The following CHEK2 variants were observed in gnomAD, a reference collection of about 807,000 sequenced individuals.
CHEK2 encodes serine/threonine-protein kinase Chk2.
CHEK2 carries 71 observed loss-of-function variants against 69.1 expected under a neutral mutation model. The ratio of observed to expected loss-of-function variants is 1.03; its 90% CI spans 0.85 to 1.25. The LOEUF (loss-of-function observed/expected upper bound fraction) is 1.25, where lower values mean the gene tolerates loss of function less well. Ranked by LOEUF, CHEK2 falls within the 50% of genes most tolerant of loss-of-function variation. The pLI is 0.00. For missense variants in CHEK2, 664 were observed against 649.6 expected, an observed-to-expected ratio of 1.02 and a Z score of -0.24; for synonymous variants, 189 against 226.9, an observed-to-expected ratio of 0.83 and a Z score of 1.50.
chr22:28,711,274 C>T (rs971548129), intron 6 of CHEK2, among the ~76,000 whole-genome samples: 3 of 152,186 alleles, frequency 2.0e-5, no homozygotes, highest in Non-Finnish European at 2.9e-5. Context: ...TTTTAAAAAT[C>T]TATGGCTAAT....
rs188521523 is a variant in CHEK2 at position 28,739,411 on chromosome 22, C to T, written c.-7+2358G>A. On this transcript the variant is annotated intron_variant, in intron 1 of 14. Coordinates refer to ENST00000404276, the MANE Select transcript of CHEK2 (RefSeq NM_007194.4). ...TATAAATCAAAACTACAGTGAGGCC[C>T]GGGTGCAGTGGCTCATGCCTGTAAT... 4.6e-3 allele frequency among the ~76,000 whole-genome samples: 699 copies of T among 152,144 alleles called. 4 individuals carry two copies. Among genetic ancestry groups the T allele is most frequent in the Non-Finnish European group, 6.3e-3 (425 of 67,984 alleles).
rs565523013 is a variant in CHEK2 at position 28,702,812 on chromosome 22, G to A, written c.908+693C>T. Among the ~76,000 whole-genome samples the A allele has an allele frequency of 2.6e-5, 4 of 152,250 alleles. No individual in the cohort carries two copies. The East Asian group carries it at 7.7e-4, about 29-fold the overall frequency. ...TCCACCCACCTCGGCCTCCCAAAGT[G>A]CTGGGATTACAGGCGTAAGCCACTG... On this transcript the variant is annotated intron_variant, in intron 8 of 14. Transcript: ENST00000404276.
intron 2 of CHEK2, chr22:28,727,958 T>C (rs2054068581): frequency 6.6e-6 from 1 of 152,186 alleles, no homozygotes; most frequent in African/African-American, 2.4e-5. Flanking sequence ...GAGGACAATT[T>C]AGCAAGATCT....
chr22:28,736,581 T>C (rs2054413255), intron 1 of CHEK2, among the ~76,000 whole-genome samples: 1 of 152,350 alleles, frequency 6.6e-6, no homozygotes. Context: ...ACCATTCTTT[T>C]ATAAACTGGA....
intron 2 of CHEK2, 135 bp downstream of exon 2, chr22:28,734,268 A>T: frequency 1.3e-6 from 1 of 775,838 alleles, no homozygotes; most frequent in Non-Finnish European, 2.2e-6. Context: ...TTGCTTGTTC[A>T]TGCATGATGT....
intron 7 of CHEK2, among the ~76,000 whole-genome samples, chr22:28,704,977 T>G (rs1347977298): frequency 6.6e-6 from 1 of 151,862 alleles, no homozygotes; most frequent in Non-Finnish European, 1.5e-5. Context: ...AGCATAATGC[T>G]GAATGAAAAA....
At chr22:28,688,449 G>A (rs1015503399) in intron 14 of CHEK2, among the ~76,000 whole-genome samples, 3 of 152,206 alleles carry the variant, frequency 2.0e-5, no homozygotes, top group Non-Finnish European at 2.9e-5. Flanking sequence ...TGGGCAGGTC[G>A]CTTCAGGTCA....
At chr22:28,741,148 CAAAA>C (rs71194792) in intron 1 of CHEK2, among the ~76,000 whole-genome samples, 5 of 51,174 alleles carry the variant, frequency 9.8e-5, no homozygotes, top group East Asian at 1.5e-3. Context: ...GACTCCGTCT[CAAAA>C]AAAAAAAAAA....
At chr22:28,715,688 C>G (rs11913195) in intron 5 of CHEK2, among the ~76,000 whole-genome samples, 11 of 152,024 alleles carry the variant, frequency 7.2e-5, no homozygotes, top group African/African-American at 2.4e-4. Flanking sequence ...CCAAAGTACC[C>G]GGATTACAGG....
At chr22:28,709,323 A>T (rs2053299577) in intron 7 of CHEK2, among the ~76,000 whole-genome samples, 1 of 152,216 alleles carries the variant, frequency 6.6e-6, no homozygotes, top group African/African-American at 2.4e-5. Context: ...AAAGGTATTC[A>T]AAAGTGGTAA....
At chr22:28,730,513 C>G in intron 2 of CHEK2, 1 of 696,480 alleles carries the variant, frequency 1.4e-6, no homozygotes, top group Non-Finnish European at 2.6e-6. Flanking sequence ...AGCAGGAGTT[C>G]AAGATCAGAT....
At chr22:28,699,652 G>T (rs868130199) in intron 9 of CHEK2, 186 bp downstream of exon 9, 2 of 610,164 alleles carry the variant, frequency 3.3e-6, no homozygotes, top group Non-Finnish European at 5.9e-6. Context: ...ATGAACCACC[G>T]CGCCTCGCCA....
intron 4 of CHEK2, among the ~76,000 whole-genome samples, chr22:28,721,957 C>T (rs2053801897): frequency 6.6e-6 from 1 of 152,054 alleles, no homozygotes; most frequent in Non-Finnish European, 1.5e-5. Flanking sequence ...TCTCGAATTC[C>T]TGGACTCAAG....
chr22:28,724,841 C>T (rs764219424), intron 4 of CHEK2, 136 bp downstream of exon 4: 4 of 910,860 alleles, frequency 4.4e-6, no homozygotes, highest in Admixed American at 1.9e-5. Flanking sequence ...GCTGGGATTA[C>T]AGGTGTGAGC....
At chr22:28,711,409 C>A (rs769057834) in intron 6 of CHEK2, among the ~76,000 whole-genome samples, 12 of 151,956 alleles carry the variant, frequency 7.9e-5, no homozygotes, top group Non-Finnish European at 1.5e-4. Context: ...AAAACTCAGT[C>A]ATCAAAAAGG....
intron 2 of CHEK2, among the ~76,000 whole-genome samples, chr22:28,727,096 C>T (rs534547757): frequency 5.3e-5 from 8 of 152,218 alleles, no homozygotes; most frequent in South Asian, 4.1e-4. Context: ...GGCTGGAGTG[C>T]GGTGGCGCGA....
At chr22:28,705,956 TAAACTAAACTAA>T (rs1278938520) in intron 7 of CHEK2, among the ~76,000 whole-genome samples, 16 of 90,142 alleles carry the variant, frequency 1.8e-4, no homozygotes, top group Admixed American at 1.5e-3. Context: ...AAAACTAAAC[TAAACTAAACTAA>T]AAACTAAACT....
intron 7 of CHEK2, among the ~76,000 whole-genome samples, chr22:28,705,204 G>C (rs780525504): frequency 6.6e-6 from 1 of 150,984 alleles, no homozygotes; most frequent in Non-Finnish European, 1.5e-5. Context: ...TCAGCCTCCC[G>C]AGTAGTTGGG....
intron 2 of CHEK2, among the ~76,000 whole-genome samples, chr22:28,731,546 A>G (rs981693666): frequency 7.9e-5 from 12 of 152,216 alleles, no homozygotes; most frequent in Non-Finnish European, 1.8e-4. Flanking sequence ...CAGTGAGCCA[A>G]GATCGTACCA....
Sources: gnomAD v4.1 joint callset for allele counts (sites outside exome capture counted in the v4.1 genomes callset) on GRCh38, gnomAD v4.1.1 for gene constraint, MANE v1.5 for transcripts, NCBI Gene and HGNC (gene_info 2026-07-23, HGNC 2026-07-21) for gene names.